Variants in DRGX observed in about 807,000 individuals in gnomAD.
DRGX encodes dorsal root ganglia homeobox, also known as dorsal root ganglia homeobox protein.
A neutral mutation model predicts 28.6 loss-of-function variants in DRGX; 21 were observed. The ratio of observed to expected loss-of-function variants is 0.73; its 90% CI spans 0.52 to 1.06. DRGX has a LOEUF of 1.06. Ranked by LOEUF, DRGX falls within the 50% of genes least tolerant of loss-of-function variation. The pLI, the probability that DRGX is intolerant of heterozygous loss-of-function variation, is 0.00. For missense variants in DRGX, 354 were observed against 343.9 expected, an observed-to-expected ratio of 1.03 and a Z score of -0.23; for synonymous variants, 136 against 139.1, an observed-to-expected ratio of 0.98 and a Z score of 0.16.
intron 2 of DRGX, among the ~76,000 whole-genome samples, chr10:49,393,561 C>CCTAT (rs1406586103): frequency 1.1e-4 from 16 of 152,236 alleles, no homozygotes; most frequent in Admixed American, 5.9e-4. Context: ...CTCCCTTATG[C>CCTAT]CTATCTAGAT....
intron 2 of DRGX, among the ~76,000 whole-genome samples, chr10:49,392,439 C>T (rs1168033266): frequency 6.6e-6 from 1 of 152,216 alleles, no homozygotes; most frequent in East Asian, 1.9e-4. Flanking sequence ...TGCATTGTTC[C>T]TCAAAACCTT....
chr10:49,392,509 CTTA>C (rs1429484086), intron 2 of DRGX, among the ~76,000 whole-genome samples: 1 of 152,202 alleles, frequency 6.6e-6, no homozygotes, highest in African/African-American at 2.4e-5. Flanking sequence ...TCAAAGCAGT[CTTA>C]TTTTCATTAC....
intron 6 of DRGX, among the ~76,000 whole-genome samples, chr10:49,384,144 C>T (rs2132480554): frequency 6.6e-6 from 1 of 152,318 alleles, no homozygotes; most frequent in African/African-American, 2.4e-5. Context: ...CAACATGTGC[C>T]TTTTACCCAG....
intron 6 of DRGX, among the ~76,000 whole-genome samples, chr10:49,369,534 A>AGG (rs1307659766): frequency 6.6e-6 from 1 of 152,178 alleles, no homozygotes; most frequent in Non-Finnish European, 1.5e-5. Flanking sequence ...CTCTTCTGTG[A>AGG]GGTCCCCAGA....
Position 49,382,778 on chromosome 10 carries a change from T to C in DRGX, c.526+3700A>G, listed in dbSNP as rs72472029. Among the ~76,000 whole-genome samples, 21 of 152,294 alleles carry C rather than the reference T, an allele frequency of 1.4e-4. No individual in the cohort carries two copies. In the East Asian group the frequency reaches 4.1e-3, roughly 29 times the overall value. On this transcript the variant is annotated intron_variant, in intron 6 of 6. Transcript: ENST00000374139. Reference sequence around the variant, plus strand: ...CTCCTCGCCCCTGGAATGCTTTGCCTATGCCATTCCCTACACCCAGAATCC... The same window carrying C: ...CTCCTCGCCCCTGGAATGCTTTGCCCATGCCATTCCCTACACCCAGAATCC...
chr10:49,380,429 G>A (rs1706612559), intron 6 of DRGX, among the ~76,000 whole-genome samples: 1 of 152,214 alleles, frequency 6.6e-6, no homozygotes, highest in Non-Finnish European at 1.5e-5. Flanking sequence ...AATGAATTGT[G>A]AATGAAATCC....
At chr10:49,385,374 C>T (rs927795545) in intron 6 of DRGX, among the ~76,000 whole-genome samples, 3 of 152,196 alleles carry the variant, frequency 2.0e-5, no homozygotes, top group Admixed American at 2.0e-4. Flanking sequence ...GGCCATCAAG[C>T]TCTGGCCCCT....
In DRGX at chr10:49,391,574, C is replaced by G. The variant is rs927756868; in HGVS notation, c.35-313G>C. ...TCACTGGCTTGAGGCAGAGCCTTCACGTGCTCTCCAGCTCCCAGCTCCACC... is the reference window on the plus strand; with the variant it reads ...TCACTGGCTTGAGGCAGAGCCTTCAGGTGCTCTCCAGCTCCCAGCTCCACC... On this transcript the variant is annotated intron_variant, in intron 2 of 6. Coordinates refer to ENST00000374139, the MANE Select transcript of DRGX (RefSeq NM_001276451.2). Among the ~76,000 whole-genome samples, 8 of 152,296 alleles carry G rather than the reference C, an allele frequency of 5.3e-5. No homozygotes were observed. In the East Asian group the frequency reaches 1.2e-3, roughly 22 times the overall value.
At chr10:49,370,087 C>A (rs182465017) in intron 6 of DRGX, among the ~76,000 whole-genome samples, 1 of 152,226 alleles carries the variant, frequency 6.6e-6, no homozygotes, top group East Asian at 1.9e-4. Context: ...AGGCAGCTGA[C>A]CCTGATAGGT....
At chr10:49,385,448 CTT>C (rs1055461534) in intron 6 of DRGX, among the ~76,000 whole-genome samples, 8 of 152,148 alleles carry the variant, frequency 5.3e-5, no homozygotes, top group African/African-American at 1.7e-4. Flanking sequence ...CCCTGGAACT[CTT>C]TGCATATGCT....
At chr10:49,391,787 A>G in intron 2 of DRGX, 2 of 497,094 alleles carry the variant, frequency 4.0e-6, no homozygotes, top group Non-Finnish European at 8.3e-6. Flanking sequence ...TTTCTCTTAT[A>G]AGTGCAGAAC....
chr10:49,391,489 T>G (rs1217189818), intron 2 of DRGX, among the ~76,000 whole-genome samples: 1 of 152,176 alleles, frequency 6.6e-6, no homozygotes, highest in East Asian at 1.9e-4. Flanking sequence ...GTGGTGACCT[T>G]AATCCCCAAG....
chr10:49,395,320 C>G, intron 2 of DRGX, 87 bp downstream of exon 2: 1 of 1,508,080 alleles, frequency 6.6e-7, no homozygotes, highest in East Asian at 2.5e-5. Flanking sequence ...GGGCGGGGAC[C>G]CAGCCACCCA....
intron 4 of DRGX, 105 bp from the exon 5 acceptor site, chr10:49,386,963 C>T: frequency 1.5e-6 from 2 of 1,327,888 alleles, no homozygotes; most frequent in Non-Finnish European, 2.0e-6. Flanking sequence ...GCAGCCTCCT[C>T]TCCACACCAT....
rs138958003 is a variant in DRGX, at chr10:49,369,693, G to A, written c.527-3312C>T. Among the ~76,000 whole-genome samples, 580 of 152,154 alleles carry A rather than the reference G, an allele frequency of 3.8e-3. 7 individuals are homozygous for A. The highest frequency in any genetic ancestry group is 9.8e-3 in the African/African-American group (408 of 41,492). On this transcript the variant is annotated intron_variant, in intron 6 of 6. Coordinates refer to ENST00000374139, the MANE Select transcript of DRGX (RefSeq NM_001276451.2). ...ACAACAGCAGGAAGGTGCTTAATACGACTGACTCATACACTTAAAAATGGT... is the reference window on the plus strand; with the variant it reads ...ACAACAGCAGGAAGGTGCTTAATACAACTGACTCATACACTTAAAAATGGT...
At chr10:49,387,200 G>C (rs1243099523) in intron 4 of DRGX, among the ~76,000 whole-genome samples, 1 of 152,188 alleles carries the variant, frequency 6.6e-6, no homozygotes, top group East Asian at 1.9e-4. Context: ...CAGCAAAGCA[G>C]CTTAAGAAAC....
At chr10:49,387,214 A>G (rs1001231780) in intron 4 of DRGX, among the ~76,000 whole-genome samples, 2 of 152,122 alleles carry the variant, frequency 1.3e-5, no homozygotes, top group Non-Finnish European at 2.9e-5. Flanking sequence ...AAGAAACCTG[A>G]CCCGGGGCTT....
chr10:49,382,685 C>A (rs1027312364), intron 6 of DRGX, among the ~76,000 whole-genome samples: 1 of 152,210 alleles, frequency 6.6e-6, no homozygotes, highest in Admixed American at 6.5e-5. Context: ...TCCACCCTCA[C>A]CCTACCTCTG....
chr10:49,385,016 G>A (rs922041669), intron 6 of DRGX, among the ~76,000 whole-genome samples: 3 of 152,164 alleles, frequency 2.0e-5, no homozygotes, highest in African/African-American at 4.8e-5. Flanking sequence ...TTTGCCAAGC[G>A]CCAGCCCCTT....
Sources: allele counts gnomAD v4.1 joint callset (sites outside exome capture counted in the v4.1 genomes callset), GRCh38; gene constraint gnomAD v4.1.1; transcripts MANE v1.5; gene names NCBI Gene and HGNC (gene_info 2026-07-23, HGNC 2026-07-21).